ITFG1: variants seen among roughly 807,000 people sequenced by gnomAD.
ITFG1 encodes integrin alpha FG-GAP repeat containing 1.
ITFG1 carries 34 observed loss-of-function variants against 81.8 expected under a neutral mutation model. The observed-to-expected ratio is 0.42, with a 90% CI of 0.32 to 0.55. ITFG1 has a LOEUF of 0.55. Ranked by LOEUF, ITFG1 falls within the 20% of genes least tolerant of loss-of-function variation. ITFG1 has a pLI of 0.17. For synonymous variants in ITFG1, 285 were observed against 270.6 expected (o/e 1.05, Z -0.52); for missense variants, 672 against 755.4 (o/e 0.89, Z 1.29).
At chr16:47,373,519 G>A (rs1461949391) in intron 7 of ITFG1, among the ~76,000 whole-genome samples, 1 of 152,166 alleles carries the variant, frequency 6.6e-6, no homozygotes, top group Non-Finnish European at 1.5e-5. Flanking sequence ...GACCTCAGAT[G>A]ATCTGGCCGC....
chr16:47,440,194 T>G (rs367716420), intron 5 of ITFG1, among the ~76,000 whole-genome samples: 3 of 149,382 alleles, frequency 2.0e-5, no homozygotes, highest in South Asian at 2.1e-4. Context: ...AGCAAGTCCT[T>G]AGTGACCTAC....
chr16:47,365,840 C>T lies in ITFG1; in HGVS notation c.750G>A (p.Leu250=). ...LDGNFSVSTI[L]EKPQNMMVVG... is the part of the protein sequence containing the mutation. ...CCACCATCATATTTTGAGGTTTTTC[C>T]AATATAGTACTGACAGAGAAGTTTC... Residue 250 remains leucine, a synonymous_variant, in exon 8 of 18, where the codon TTG becomes TTA. Coordinates refer to ENST00000320640, the MANE Select transcript of ITFG1 (RefSeq NM_030790.5). 6.2e-7 allele frequency: 1 copy of T among 1,601,900 alleles called. No individual in the cohort carries two copies. The highest frequency in any genetic ancestry group is 8.5e-7 in the Non-Finnish European group (1 of 1,169,920).
intron 14 of ITFG1, among the ~76,000 whole-genome samples, chr16:47,174,039 A>C (rs1394571862): frequency 6.6e-6 from 1 of 152,156 alleles, no homozygotes; most frequent in African/African-American, 2.4e-5. Context: ...AAACTGTCTC[A>C]AAAAACAAAA....
chr16:47,409,395 TATATATATA>T (rs1375740643), intron 6 of ITFG1, among the ~76,000 whole-genome samples: 7 of 17,862 alleles, frequency 3.9e-4, no homozygotes, highest in Admixed American at 2.3e-3. Context: ...TATATATATA[TATATATATA>T]TTTTTTTTTT....
rs372533226 is a variant in ITFG1 at position 47,158,863 on chromosome 16, A to G, written c.1779+10T>C. 7 of 1,447,606 alleles carry G rather than the reference A, an allele frequency of 4.8e-6. No individual in the cohort carries two copies. Among genetic ancestry groups the G allele is most frequent in the Non-Finnish European group, 5.8e-6 (6 of 1,039,374 alleles). 89.7% of individuals were successfully genotyped at this position (1,447,606 alleles called of 1,614,324 possible). On this transcript the variant is annotated intron_variant, in intron 17 of 17. Transcript: ENST00000320640. ...TAACCAAAATTAATGCTTCCTTTAA[A>G]TGAACAAACCTTTTCCTGCCAATGT...
At chr16:47,168,545 GTTTTTTTTT>G (rs758632507) in intron 14 of ITFG1, among the ~76,000 whole-genome samples, 31 of 117,652 alleles carry the variant, frequency 2.6e-4, no homozygotes, top group Middle Eastern at 4.5e-3. Context: ...CTAATTAAAA[GTTTTTTTTT>G]TTTTTTTTTT....
intron 8 of ITFG1, among the ~76,000 whole-genome samples, chr16:47,357,099 A>C (rs142074293): frequency 6.6e-5 from 10 of 152,112 alleles, no homozygotes; most frequent in Non-Finnish European, 2.9e-5. Context: ...GGGGTGCTCC[A>C]TTTATCATAG....
intron 6 of ITFG1, among the ~76,000 whole-genome samples, chr16:47,407,245 G>A (rs1164228211): frequency 3.9e-5 from 6 of 152,244 alleles, no homozygotes; most frequent in African/African-American, 9.6e-5. Context: ...TACAGTGGAG[G>A]TGGTAAGAAG....
chr16:47,232,255 T>C (rs886801745), intron 13 of ITFG1, among the ~76,000 whole-genome samples: 17 of 152,228 alleles, frequency 1.1e-4, no homozygotes, highest in Non-Finnish European at 1.0e-4. Flanking sequence ...GAAACTTACA[T>C]AGGTTAGTTT....
chr16:47,392,474 T>A lies in ITFG1; in HGVS notation c.656-16534A>T, dbSNP rs145257007. On this transcript the variant is annotated intron_variant, in intron 6 of 17. Coordinates refer to ENST00000320640, the MANE Select transcript of ITFG1 (RefSeq NM_030790.5). ...GGAGAGGAGGAGATCAGGTCTGAAA[T>A]GTGAGGCATCAGGCTGTGCAGAACC... Among the ~76,000 whole-genome samples the A allele has an allele frequency of 5.8e-3, 883 of 152,172 alleles. 7 individuals carry two copies. Among genetic ancestry groups the A allele is most frequent in the African/African-American group, 0.02 (841 of 41,514 alleles).
chr16:47,176,467 A>C (rs1965025418), intron 14 of ITFG1, among the ~76,000 whole-genome samples: 1 of 152,240 alleles, frequency 6.6e-6, no homozygotes, highest in Non-Finnish European at 1.5e-5. Flanking sequence ...CTGAAAGAAA[A>C]ATATATTCAC....
intron 13 of ITFG1, among the ~76,000 whole-genome samples, chr16:47,230,248 G>A (rs531038648): frequency 2.0e-5 from 3 of 152,252 alleles, no homozygotes; most frequent in African/African-American, 7.2e-5. Context: ...CCGGAAGAAT[G>A]GACAGAGAGG....
At chr16:47,334,095 C>T (rs1156298175) in intron 8 of ITFG1, among the ~76,000 whole-genome samples, 1 of 152,124 alleles carries the variant, frequency 6.6e-6, no homozygotes, top group Non-Finnish European at 1.5e-5. Flanking sequence ...ATTGATTTTG[C>T]TAAATACAAT....
Position 47,414,398 on chromosome 16 carries a change from T to C in ITFG1, c.655+14406A>G, listed in dbSNP as rs552316038. ...AAAATTAGCTGGGTGTGGTGATGCATGCCTGTAATTCCAGCTACTAGGGAG... is the reference window on the plus strand; with the variant it reads ...AAAATTAGCTGGGTGTGGTGATGCACGCCTGTAATTCCAGCTACTAGGGAG... On this transcript the variant is annotated intron_variant, in intron 6 of 17. Coordinates refer to ENST00000320640, the MANE Select transcript of ITFG1 (RefSeq NM_030790.5). Among the ~76,000 whole-genome samples the C allele has an allele frequency of 1.2e-3, 184 of 152,072 alleles. 1 individual carries two copies. The highest frequency in any genetic ancestry group is 2.0e-3 in the Non-Finnish European group (133 of 67,982).
chr16:47,173,129 A>C (rs184108610), intron 14 of ITFG1, among the ~76,000 whole-genome samples: 136 of 152,274 alleles, frequency 8.9e-4, no homozygotes, highest in African/African-American at 3.0e-3. Context: ...TGTTCAAATG[A>C]TATGTTCTCA....
At chr16:47,444,975 G>GTC (rs1969304599) in intron 5 of ITFG1, among the ~76,000 whole-genome samples, 1 of 151,888 alleles carries the variant, frequency 6.6e-6, no homozygotes, top group Non-Finnish European at 1.5e-5. Context: ...CTCACGTAAT[G>GTC]AAATGGCAAA....
At chr16:47,199,815 C>T (rs1965402723) in intron 14 of ITFG1, among the ~76,000 whole-genome samples, 1 of 152,238 alleles carries the variant, frequency 6.6e-6, no homozygotes, top group Non-Finnish European at 1.5e-5. Context: ...GAGCCCTGAG[C>T]TTGTTTTCCT....
intron 12 of ITFG1, among the ~76,000 whole-genome samples, chr16:47,241,993 TAGGTAC>T (rs1251319392): frequency 7.4e-5 from 11 of 148,718 alleles, no homozygotes; most frequent in Non-Finnish European, 1.5e-4. Flanking sequence ...TGACAGACAA[TAGGTAC>T]AGGGTTTCTT....
chr16:47,456,867 T>G (rs1969460839), intron 2 of ITFG1, among the ~76,000 whole-genome samples: 1 of 151,990 alleles, frequency 6.6e-6, no homozygotes, highest in Admixed American at 6.6e-5. Context: ...GCCTGGAGAA[T>G]GAATCCAGAC....
Sources: allele counts gnomAD v4.1 joint callset (sites outside exome capture counted in the v4.1 genomes callset), GRCh38; gene constraint gnomAD v4.1.1; transcripts MANE v1.5; gene names NCBI Gene and HGNC (gene_info 2026-07-23, HGNC 2026-07-21).